The following SLC25A21 variants were observed in gnomAD, a reference collection of about 807,000 sequenced individuals.
The protein encoded by SLC25A21 is solute carrier family 25 member 21, also known as mitochondrial 2-oxodicarboxylate carrier.
Under a neutral mutation model 43.8 loss-of-function variants are expected in SLC25A21, and 47 were observed. That is an observed-to-expected ratio of 1.07 (90% CI 0.85 to 1.37). The LOEUF (loss-of-function observed/expected upper bound fraction) is 1.37, where lower values mean the gene tolerates loss of function less well. Among genes scored for constraint, SLC25A21 ranks in the 40% most tolerant of loss-of-function variants. The pLI, the probability that SLC25A21 is intolerant of heterozygous loss-of-function variation, is 0.00. For synonymous variants in SLC25A21, 131 were observed against 121.3 expected (o/e 1.08, Z -0.52); for missense variants, 352 against 350.2 (o/e 1.00, Z -0.04).
intron 7 of SLC25A21, among the ~76,000 whole-genome samples, chr14:36,701,240 C>A (rs1169035946): frequency 6.6e-6 from 1 of 152,220 alleles, no homozygotes; most frequent in African/African-American, 2.4e-5. Flanking sequence ...GTTTTTACTT[C>A]ACTGCTATCA....
chr14:36,784,913 G>A (rs1226848817), intron 3 of SLC25A21, among the ~76,000 whole-genome samples: 1 of 152,182 alleles, frequency 6.6e-6, no homozygotes, highest in Non-Finnish European at 1.5e-5. Flanking sequence ...AATATTTAAT[G>A]TAGGGAGCAA....
At chr14:36,803,482 T>A (rs1335183919) in intron 3 of SLC25A21, among the ~76,000 whole-genome samples, 1 of 152,198 alleles carries the variant, frequency 6.6e-6, no homozygotes, top group East Asian at 1.9e-4. Context: ...CTCCTTTTGG[T>A]TCTTGATTCT....
At chr14:36,953,769 C>A (rs1340746682) in intron 1 of SLC25A21, among the ~76,000 whole-genome samples, 1 of 152,084 alleles carries the variant, frequency 6.6e-6, no homozygotes, top group Non-Finnish European at 1.5e-5. Context: ...AAATTATCAT[C>A]ACAATAGAGG....
At chr14:36,704,554 G>T (rs1883417501) in intron 7 of SLC25A21, among the ~76,000 whole-genome samples, 1 of 151,874 alleles carries the variant, frequency 6.6e-6, no homozygotes, top group Non-Finnish European at 1.5e-5. Context: ...CTACTCAGGA[G>T]GCTGAGGCAG....
intron 1 of SLC25A21, among the ~76,000 whole-genome samples, chr14:36,910,853 T>C (rs1891668705): frequency 1.3e-5 from 2 of 152,348 alleles, no homozygotes; most frequent in African/African-American, 4.8e-5. Context: ...ACATTAATTC[T>C]CTAAATCAAA....
chr14:36,868,788 C>A (rs1890285084), intron 2 of SLC25A21, among the ~76,000 whole-genome samples: 1 of 152,220 alleles, frequency 6.6e-6, no homozygotes, highest in Non-Finnish European at 1.5e-5. Flanking sequence ...GGGCTGACCT[C>A]TGCAAGCCTG....
chr14:36,696,743 T>C (rs914234147), intron 7 of SLC25A21, among the ~76,000 whole-genome samples: 7 of 152,234 alleles, frequency 4.6e-5, no homozygotes, highest in South Asian at 4.1e-4. Flanking sequence ...TTCTGTGGGA[T>C]CGGTGCTGAT....
At chr14:37,095,801 TAC>T (rs886676547) in intron 1 of SLC25A21, among the ~76,000 whole-genome samples, 1 of 104,186 alleles carries the variant, frequency 9.6e-6, no homozygotes, top group Non-Finnish European at 1.9e-5. Context: ...TATATTTATA[TAC>T]ACACACACGC....
Position 36,698,702 on chromosome 14 carries a change from G to A in SLC25A21, c.603+12616C>T, listed in dbSNP as rs959978782. Among the ~76,000 whole-genome samples the A allele has an allele frequency of 7.2e-5, 11 of 151,804 alleles. No individual in the cohort carries two copies. The East Asian group carries it at 7.7e-4, about 11-fold the overall frequency. ...CTGATACCCTTTCTTCCACTTGATC[G>A]AATTGGCTATTGAAGCTTGTGCATG... On this transcript the variant is annotated intron_variant, in intron 7 of 9. Transcript: ENST00000331299.
intron 1 of SLC25A21, among the ~76,000 whole-genome samples, chr14:37,062,017 G>GC (rs1242349205): frequency 4.7e-4 from 66 of 141,804 alleles, no homozygotes; most frequent in Admixed American, 1.4e-3. Flanking sequence ...CAAACAGTAT[G>GC]GCCCCCCTGT....
chr14:36,930,636 T>C (rs747302148), intron 1 of SLC25A21, among the ~76,000 whole-genome samples: 1 of 152,128 alleles, frequency 6.6e-6, no homozygotes, highest in Non-Finnish European at 1.5e-5. Context: ...CTCACATCTA[T>C]AGTGTACACC....
At chr14:37,146,653 A>C (rs1209519316) in intron 1 of SLC25A21, among the ~76,000 whole-genome samples, 1 of 152,226 alleles carries the variant, frequency 6.6e-6, no homozygotes, top group Non-Finnish European at 1.5e-5. Flanking sequence ...TCATTTATTC[A>C]ACAATTAGTA....
chr14:37,080,785 T>A (rs1011588354), intron 1 of SLC25A21, among the ~76,000 whole-genome samples: 1 of 152,190 alleles, frequency 6.6e-6, no homozygotes, highest in African/African-American at 2.4e-5. Context: ...AGATTCCAGA[T>A]AGAATTAAGA....
chr14:36,923,474 T>C lies in SLC25A21; in HGVS notation c.71-48470A>G, dbSNP rs1892037918. Among the ~76,000 whole-genome samples the C allele has an allele frequency of 2.6e-5, 4 of 152,144 alleles. 1 individual carries two copies. The highest frequency in any genetic ancestry group is 2.6e-4 in the Admixed American group (4 of 15,270). ...AAGAAAAATGATATCAGATAGAAAT[T>C]TCTACACAAGGAATTGAAGAACAAT... is the stretch of plus-strand genomic sequence containing the variant. On this transcript the variant is annotated intron_variant, in intron 1 of 9. Coordinates refer to ENST00000331299, the MANE Select transcript of SLC25A21 (RefSeq NM_030631.4).
chr14:36,945,883 AT>A (rs1274482855), intron 1 of SLC25A21, among the ~76,000 whole-genome samples: 2 of 152,206 alleles, frequency 1.3e-5, no homozygotes, highest in African/African-American at 2.4e-5. Flanking sequence ...TGTTATGTGT[AT>A]TTTGCCACAA....
chr14:37,021,054 T>C (rs1960975085), intron 1 of SLC25A21, among the ~76,000 whole-genome samples: 1 of 151,990 alleles, frequency 6.6e-6, no homozygotes, highest in African/African-American at 2.4e-5. Flanking sequence ...GCAATGTATT[T>C]AGGACATTTT....
At chr14:36,825,820 C>T (rs1349170814) in intron 2 of SLC25A21, among the ~76,000 whole-genome samples, 1 of 152,116 alleles carries the variant, frequency 6.6e-6, no homozygotes, top group African/African-American at 2.4e-5. Context: ...ACAGTGAATA[C>T]ATAAGAGTTA....
rs564489664 is a variant in SLC25A21 at position 36,813,820 on chromosome 14, A to AT, written c.203+97dup. On this transcript the variant is annotated intron_variant, in intron 3 of 9. Coordinates refer to ENST00000331299, the MANE Select transcript of SLC25A21 (RefSeq NM_030631.4). Reference sequence around the variant, plus strand: ...AAAGTAGAAAGGTACCCTTTTAAGTATTTTGCCCCTAGTAAGACTAGGAAA... The same window carrying AT: ...AAAGTAGAAAGGTACCCTTTTAAGTATTTTTGCCCCTAGTAAGACTAGGAAA... The AT allele has an allele frequency of 3.7e-6, 3 of 817,128 alleles. No homozygotes were observed. The African/African-American group carries it at 5.3e-5, about 14-fold the overall frequency. The allele number at this position is 817,128 out of a possible 1,614,324, so 50.6% of individuals were successfully genotyped here. A position where few individuals can be genotyped will look rare whatever the true frequency, so the allele number is the denominator to read the frequency against.
At chr14:37,071,705 C>T (rs1344338950) in intron 1 of SLC25A21, among the ~76,000 whole-genome samples, 3 of 152,148 alleles carry the variant, frequency 2.0e-5, no homozygotes, top group African/African-American at 7.2e-5. Flanking sequence ...TAGAAAAACA[C>T]CTGAATTGTA....
Sources: allele counts gnomAD v4.1 joint callset (sites outside exome capture counted in the v4.1 genomes callset), GRCh38; gene constraint gnomAD v4.1.1; transcripts MANE v1.5; gene names NCBI Gene and HGNC (gene_info 2026-07-23, HGNC 2026-07-21).